Variants in PLXNA4 observed in about 807,000 individuals in gnomAD.
PLXNA4 encodes the protein plexin-A4.
A neutral mutation model predicts 191.8 loss-of-function variants in PLXNA4; 44 were observed. The ratio of observed to expected loss-of-function variants is 0.23; its 90% confidence interval spans 0.18 to 0.29. The LOEUF is 0.29. Among genes scored for constraint, PLXNA4 ranks in the 10% least tolerant of loss-of-function variants. PLXNA4 has a pLI of 1.00. For synonymous variants in PLXNA4, 1,082 were observed against 1,009.5 expected (o/e 1.07, Z -1.36); for missense variants, 1,800 against 2,488.8 (o/e 0.72, Z 5.89).
At chr7:132,347,790 C>T (rs547996220) in intron 3 of PLXNA4, among the ~76,000 whole-genome samples, 1 of 152,294 alleles carries the variant, frequency 6.6e-6, no homozygotes, top group South Asian at 2.1e-4. Flanking sequence ...CAGTCCAGGG[C>T]TATCTTTATA....
intron 1 of PLXNA4, among the ~76,000 whole-genome samples, chr7:132,516,006 T>C (rs1798920950): frequency 3.3e-5 from 5 of 152,176 alleles, no homozygotes; most frequent in Admixed American, 2.0e-4. Flanking sequence ...ATAATAGATG[T>C]TTGGAAACAC....
At chr7:132,365,358 T>TGTGCGCGC (rs1804120961) in intron 3 of PLXNA4, among the ~76,000 whole-genome samples, 1 of 133,594 alleles carries the variant, frequency 7.5e-6, no homozygotes, top group African/African-American at 3.4e-5. Flanking sequence ...TGTGTGTGTG[T>TGTGCGCGC]GTGCGTGCGC....
chr7:132,435,970 A>C (rs190262099), intron 3 of PLXNA4, among the ~76,000 whole-genome samples: 1 of 152,330 alleles, frequency 6.6e-6, no homozygotes, highest in African/African-American at 2.4e-5. Flanking sequence ...AATATTCTCT[A>C]AATTAGAGGT....
At chr7:132,414,977 G>C (rs1340416496) in intron 3 of PLXNA4, among the ~76,000 whole-genome samples, 1 of 152,116 alleles carries the variant, frequency 6.6e-6, no homozygotes, top group African/African-American at 2.4e-5. Flanking sequence ...TCCTATCCTT[G>C]GCCCTACACA....
intron 30 of PLXNA4, among the ~76,000 whole-genome samples, chr7:132,136,115 C>A (rs10250358): frequency 5.8e-4 from 89 of 152,248 alleles, no homozygotes; most frequent in African/African-American, 2.1e-3. Context: ...CCTGCTCCCC[C>A]ACTCCCACTC....
intron 3 of PLXNA4, among the ~76,000 whole-genome samples, chr7:132,429,332 A>G (rs1000137303): frequency 5.3e-5 from 8 of 152,194 alleles, no homozygotes; most frequent in Non-Finnish European, 1.0e-4. Flanking sequence ...TTCTTGACCA[A>G]AATGGATGGG....
intron 1 of PLXNA4, among the ~76,000 whole-genome samples, chr7:132,548,105 A>G (rs1800389179): frequency 6.6e-6 from 1 of 152,144 alleles, no homozygotes; most frequent in Non-Finnish European, 1.5e-5. Flanking sequence ...GTGAAAAGAG[A>G]CAAAGCCTGG....
At chr7:132,594,948 T>C (rs1181047820) in intron 2 of PLXNA4, among the ~76,000 whole-genome samples, 4 of 150,764 alleles carry the variant, frequency 2.7e-5, no homozygotes, top group South Asian at 2.1e-4. Flanking sequence ...GATAGATAGA[T>C]AGATAGATAG....
intron 3 of PLXNA4, among the ~76,000 whole-genome samples, chr7:132,459,283 A>ATTC (rs562872423): frequency 1.4e-3 from 207 of 152,334 alleles, no homozygotes; most frequent in Non-Finnish European, 2.7e-3. Flanking sequence ...TAAGAACTGG[A>ATTC]GGAACAGTAA....
chr7:132,284,781 T>G (rs1800622065), intron 4 of PLXNA4, among the ~76,000 whole-genome samples: 1 of 152,184 alleles, frequency 6.6e-6, no homozygotes, highest in Admixed American at 6.5e-5. Context: ...GATTTCTTTC[T>G]TTTCTTTTCT....
At chr7:132,174,978 C>T (rs146920200) in intron 20 of PLXNA4, 58 bp from the exon 21 acceptor site, 5 of 1,602,628 alleles carry the variant, frequency 3.1e-6, no homozygotes, top group Middle Eastern at 1.7e-4. Context: ...GAGTCACCTC[C>T]ATCTCAGAAT....
chr7:132,429,908 C>T (rs759471706), intron 3 of PLXNA4, among the ~76,000 whole-genome samples: 3 of 152,204 alleles, frequency 2.0e-5, no homozygotes, highest in Non-Finnish European at 4.4e-5. Flanking sequence ...CAAGACACCT[C>T]TGACGTCTGT....
chr7:132,445,157 GAAAAAAAAAAAA>G (rs71529762), intron 3 of PLXNA4, among the ~76,000 whole-genome samples: 9 of 53,802 alleles, frequency 1.7e-4, no homozygotes, highest in Non-Finnish European at 2.0e-4. Flanking sequence ...TCCATCTCAG[GAAAAAAAAAAAA>G]AAAAAAAAAA....
At chr7:132,345,110 G>A (rs189432439) in intron 3 of PLXNA4, among the ~76,000 whole-genome samples, 8 of 152,314 alleles carry the variant, frequency 5.3e-5, no homozygotes, top group African/African-American at 1.7e-4. Flanking sequence ...GGATGTAGGT[G>A]TGAAAGTAGG....
intron 21 of PLXNA4, among the ~76,000 whole-genome samples, chr7:132,169,554 C>T (rs1265178819): frequency 2.0e-5 from 3 of 152,168 alleles, no homozygotes; most frequent in Non-Finnish European, 4.4e-5. Context: ...CAGGATGGGT[C>T]CTGCAAATGT....
intron 21 of PLXNA4, 139 bp from the exon 22 acceptor site, chr7:132,168,711 C>A (rs2116667581): frequency 1.6e-6 from 2 of 1,238,292 alleles, no homozygotes; most frequent in South Asian, 1.9e-5. Flanking sequence ...TGCTGTCAAG[C>A]CCTTAGCACT....
At chr7:132,326,491 T>C (rs891624404) in intron 3 of PLXNA4, among the ~76,000 whole-genome samples, 1 of 152,078 alleles carries the variant, frequency 6.6e-6, no homozygotes, top group Non-Finnish European at 1.5e-5. Flanking sequence ...CCCCTCTCTG[T>C]CCTACTCTTG....
intron 3 of PLXNA4, among the ~76,000 whole-genome samples, chr7:132,314,065 G>A (rs140331479): frequency 6.6e-6 from 1 of 152,202 alleles, no homozygotes; most frequent in African/African-American, 2.4e-5. Context: ...ACATAAACTT[G>A]CAAATGAATA....
At chr7:132,397,209 A>C (rs1793803617) in intron 3 of PLXNA4, among the ~76,000 whole-genome samples, 1 of 152,240 alleles carries the variant, frequency 6.6e-6, no homozygotes, top group South Asian at 2.1e-4. Context: ...GTTTAACATC[A>C]AGATCCTTCT....
Sources: gnomAD v4.1 joint callset for allele counts (sites outside exome capture counted in the v4.1 genomes callset) on GRCh38, gnomAD v4.1.1 for gene constraint, MANE v1.5 for transcripts, NCBI Gene and HGNC (gene_info 2026-07-23, HGNC 2026-07-21) for gene names.